The following DZANK1 variants were observed in gnomAD, a reference collection of about 807,000 sequenced individuals.
DZANK1 encodes the protein double zinc ribbon and ankyrin repeat-containing protein 1.
DZANK1 carries 91 observed loss-of-function variants against 94.5 expected under a neutral mutation model. The observed-to-expected ratio is 0.96, with a 90% CI of 0.81 to 1.15. The LOEUF (loss-of-function observed/expected upper bound fraction) is 1.15. DZANK1 is among the 50% of genes most tolerant of loss of function. The pLI, the probability that DZANK1 is intolerant of heterozygous loss-of-function variation, is 0.00. For synonymous variants in DZANK1, 312 were observed against 325.3 expected, an observed-to-expected ratio of 0.96 and a Z score of 0.44; for missense variants, 903 against 916.4, an observed-to-expected ratio of 0.99 and a Z score of 0.19.
At chr20:18,385,727 ATAGT>A (rs1412989107) in intron 19 of DZANK1, among the ~76,000 whole-genome samples, 2 of 152,116 alleles carry the variant, frequency 1.3e-5, no homozygotes, top group African/African-American at 4.8e-5. Flanking sequence ...CTTGGGCACG[ATAGT>A]AGCTTCTCAG....
In DZANK1 at chr20:18,385,103, G is replaced by A. The variant is rs748941291; in HGVS notation, c.2019-13C>T. ...TGTATTTCTGAGCCTAATGAGGGGG[G>A]AAAAATCCTGGATAAATCCTTAGTT... On this transcript the variant is annotated splice_polypyrimidine_tract_variant and intron_variant, in intron 19 of 20. Transcript: ENST00000262547. 13 of 1,551,554 alleles carry A rather than the reference G, an allele frequency of 8.4e-6. No individual in the cohort carries two copies. Among genetic ancestry groups the A allele is most frequent in the Middle Eastern group, 1.7e-4 (1 of 6,010 alleles).
At chr20:18,452,039 C>T in intron 6 of DZANK1, 1 of 433,880 alleles carries the variant, frequency 2.3e-6, no homozygotes, top group Non-Finnish European at 4.4e-6. Flanking sequence ...TGACTCTCAA[C>T]CATACCTGAC....
chr20:18,415,644 G>C lies in DZANK1; in HGVS notation c.955-195C>G, dbSNP rs1403569583. On this transcript the variant is annotated intron_variant, in intron 10 of 20. Coordinates refer to ENST00000262547, the Ensembl canonical transcript of DZANK1. Reference sequence around the variant, plus strand: ...TCACCAATTAATAAATTAGTACATAGAGCTCACATTCCTTCATGGAGATAA... The same window carrying C: ...TCACCAATTAATAAATTAGTACATACAGCTCACATTCCTTCATGGAGATAA... Among the ~76,000 whole-genome samples the C allele has an allele frequency of 2.0e-5, 3 of 152,134 alleles. No individual in the cohort carries two copies. The South Asian group carries it at 6.2e-4, about 32-fold the overall frequency.
At chr20:18,425,366 C>A (rs1263267575) in intron 10 of DZANK1, among the ~76,000 whole-genome samples, 1 of 152,148 alleles carries the variant, frequency 6.6e-6, no homozygotes, top group Non-Finnish European at 1.5e-5. Context: ...GCCTGGCCAA[C>A]ATGGTGAAAC....
At chr20:18,427,757 T>C (rs1177043843) in intron 9 of DZANK1, among the ~76,000 whole-genome samples, 1 of 152,168 alleles carries the variant, frequency 6.6e-6, no homozygotes, top group Non-Finnish European at 1.5e-5. Flanking sequence ...ATCTGGTTCT[T>C]GGACTTGGGT....
chr20:18,450,479 GT>G (rs2059061019), intron 6 of DZANK1, among the ~76,000 whole-genome samples: 1 of 152,338 alleles, frequency 6.6e-6, no homozygotes, highest in Admixed American at 6.5e-5. Context: ...CTGCCATTGA[GT>G]TTTATTTGGC....
At chr20:18,449,920 A>G (rs2059034122) in intron 6 of DZANK1, among the ~76,000 whole-genome samples, 1 of 151,272 alleles carries the variant, frequency 6.6e-6, no homozygotes, top group African/African-American at 2.4e-5. Context: ...CTCTACTAAA[A>G]ATACAAAATT....
intron 9 of DZANK1, among the ~76,000 whole-genome samples, chr20:18,432,072 T>C (rs1244503685): frequency 6.6e-6 from 1 of 152,196 alleles, no homozygotes; most frequent in African/African-American, 2.4e-5. Flanking sequence ...ATTCTCAATA[T>C]AGGATTTACA....
chr20:18,390,891 T>C (rs1367703366), intron 17 of DZANK1, among the ~76,000 whole-genome samples: 1 of 152,220 alleles, frequency 6.6e-6, no homozygotes, highest in East Asian at 1.9e-4. Flanking sequence ...GCCAATAAAT[T>C]GACTTCTTCT....
intron 19 of DZANK1, among the ~76,000 whole-genome samples, chr20:18,387,307 T>C (rs1020051284): frequency 6.6e-6 from 1 of 152,218 alleles, no homozygotes; most frequent in South Asian, 2.1e-4. Context: ...TTCCTATGTA[T>C]CCACAGTTCA....
intron 13 of DZANK1, among the ~76,000 whole-genome samples, chr20:18,399,582 CA>C (rs1201965781): frequency 1.3e-5 from 2 of 152,186 alleles, no homozygotes; most frequent in Non-Finnish European, 2.9e-5. Context: ...GTGTACACCC[CA>C]ATCAATATAT....
At chr20:18,460,088 G>T in intron 3 of DZANK1, 65 bp downstream of exon 3, 1 of 1,186,628 alleles carries the variant, frequency 8.4e-7, no homozygotes, top group Non-Finnish European at 1.1e-6. Context: ...AGGAAAAAAT[G>T]AATAAAATTA....
intron 15 of DZANK1, chr20:18,394,860 T>C (rs1433641703): frequency 2.2e-6 from 1 of 456,700 alleles, no homozygotes; most frequent in South Asian, 1.5e-5. Context: ...TTTCCTCACC[T>C]GGAAAGTGGA....
chr20:18,389,718 G>A (rs369047482), exon 19 of DZANK1: 40 of 1,613,752 alleles, frequency 2.5e-5, no homozygotes, highest in South Asian at 4.4e-5. Flanking sequence ...ACTGCTGGTC[G>A]ATGTCTGCTC....
At chr20:18,436,111 A>G (rs1057346487) in intron 8 of DZANK1, among the ~76,000 whole-genome samples, 2 of 152,238 alleles carry the variant, frequency 1.3e-5, no homozygotes, top group Admixed American at 1.3e-4. Flanking sequence ...TTAGTAGACA[A>G]AGATTTCAAA....
chr20:18,427,038 T>C, intron 10 of DZANK1, 29 bp downstream of exon 10: 5 of 1,515,504 alleles, frequency 3.3e-6, no homozygotes, highest in Non-Finnish European at 4.6e-6. Flanking sequence ...AGCCACTAAA[T>C]ATAGGATTGG....
At chr20:18,404,822 A>G (rs1053268539) in intron 13 of DZANK1, among the ~76,000 whole-genome samples, 2 of 152,112 alleles carry the variant, frequency 1.3e-5, no homozygotes, top group Non-Finnish European at 2.9e-5. Context: ...TGAGATGAAA[A>G]GATCTCTTGA....
At chr20:18,395,988 A>G (rs552801394) in intron 15 of DZANK1, among the ~76,000 whole-genome samples, 12 of 152,262 alleles carry the variant, frequency 7.9e-5, no homozygotes, top group African/African-American at 2.9e-4. Flanking sequence ...TTCTCAATTG[A>G]TTGATTAATT....
At chr20:18,456,879 T>C (rs2059311528) in intron 3 of DZANK1, among the ~76,000 whole-genome samples, 1 of 152,232 alleles carries the variant, frequency 6.6e-6, no homozygotes, top group African/African-American at 2.4e-5. Context: ...CATTCATGTA[T>C]AAGTCTTTAT....
Sources: gnomAD v4.1 joint callset for allele counts (sites outside exome capture counted in the v4.1 genomes callset) on GRCh38, gnomAD v4.1.1 for gene constraint, MANE v1.5 for transcripts, NCBI Gene and HGNC (gene_info 2026-07-23, HGNC 2026-07-21) for gene names.